The following CSMD1 variants were observed in gnomAD, a reference collection of about 807,000 sequenced individuals.
The protein encoded by CSMD1 is CUB and Sushi multiple domains 1.
Under a neutral mutation model 417.5 loss-of-function variants are expected in CSMD1, and 213 were observed. That is an observed-to-expected ratio of 0.51 (90% CI 0.46 to 0.57). The LOEUF is 0.57. Among genes scored for constraint, CSMD1 ranks in the 20% least tolerant of loss-of-function variants. The pLI, the probability that CSMD1 is intolerant of heterozygous loss-of-function variation, is 0.00. For missense variants in CSMD1, 6,923 were observed against 4,529.7 expected (o/e 1.53, Z -15.17); for synonymous variants, 2,862 against 1,736.8 (o/e 1.65, Z -16.11).
chr8:3,417,786 C>T (rs1353763728), intron 12 of CSMD1, among the ~76,000 whole-genome samples: 13 of 152,258 alleles, frequency 8.5e-5, no homozygotes, highest in East Asian at 1.9e-4. Flanking sequence ...TCATCACCTT[C>T]GGAAAACAAG....
intron 1 of CSMD1, among the ~76,000 whole-genome samples, chr8:4,845,770 C>G (rs773144283): frequency 1.3e-5 from 2 of 152,164 alleles, no homozygotes; most frequent in Non-Finnish European, 2.9e-5. Flanking sequence ...TCAAGAATCA[C>G]GTGAGTAGTA....
intron 1 of CSMD1, chr8:4,788,514 T>G: frequency 1.4e-6 from 2 of 1,412,672 alleles, no homozygotes; most frequent in African/African-American, 2.9e-5. Context: ...TGGAGCAAAC[T>G]GTGAGCAAGC....
At chr8:3,615,219 G>T (rs1194088275) in intron 8 of CSMD1, among the ~76,000 whole-genome samples, 2 of 152,092 alleles carry the variant, frequency 1.3e-5, no homozygotes, top group Non-Finnish European at 2.9e-5. Context: ...CCAAAGGAAG[G>T]AAGCCATTTA....
chr8:3,847,429 G>T (rs924416118), intron 5 of CSMD1, among the ~76,000 whole-genome samples: 1 of 152,118 alleles, frequency 6.6e-6, no homozygotes, highest in Non-Finnish European at 1.5e-5. Context: ...TTGGCTGCGA[G>T]CAGTGGGCAG....
intron 7 of CSMD1, among the ~76,000 whole-genome samples, chr8:3,640,791 C>G (rs781375984): frequency 2.6e-5 from 4 of 151,986 alleles, no homozygotes; most frequent in Admixed American, 6.6e-5. Context: ...GGGGAAGAGA[C>G]GGCCTCACAG....
intron 6 of CSMD1, among the ~76,000 whole-genome samples, chr8:3,721,529 G>A (rs1052161034): frequency 2.0e-5 from 3 of 152,144 alleles, no homozygotes; most frequent in Admixed American, 2.0e-4. Flanking sequence ...ATGGCACAAA[G>A]AGAAACATAT....
At chr8:3,424,762 G>A (rs1308615999) in intron 12 of CSMD1, among the ~76,000 whole-genome samples, 1 of 152,208 alleles carries the variant, frequency 6.6e-6, no homozygotes, top group Non-Finnish European at 1.5e-5. Context: ...CAGTGTTTGT[G>A]TTCAAGGAAC....
chr8:4,379,705 G>A (rs201360041), intron 3 of CSMD1, among the ~76,000 whole-genome samples: 18 of 57,778 alleles, frequency 3.1e-4, no homozygotes, highest in South Asian at 1.9e-3. Flanking sequence ...CAACAATGGC[G>A]GGAAGAGGGC....
chr8:4,029,886 G>C (rs1030810279), intron 4 of CSMD1, among the ~76,000 whole-genome samples: 1 of 146,912 alleles, frequency 6.8e-6, no homozygotes, highest in African/African-American at 2.6e-5. Context: ...TTCAAAAATG[G>C]GAGAAATTGG....
At chr8:3,691,369 A>G (rs139326933) in intron 7 of CSMD1, among the ~76,000 whole-genome samples, 2,334 of 152,090 alleles carry the variant, frequency 0.015, 50 homozygotes, top group African/African-American at 0.049. Context: ...TCTGTCTCAA[A>G]AAAAAAAACA....
Position 3,407,993 on chromosome 8 carries a change from C to A in CSMD1, c.1977G>T (p.Val659=), listed in dbSNP as rs1286587996. Residue 659 remains valine, a synonymous_variant, in exon 14 of 70, where the codon GTG becomes GTT. Transcript: ENST00000635120. ...GCCCACTGCTGGCCAGCTGGGAAGGCACTTCATTGCCAGAAAAAGTACCCA... is the reference window on the plus strand; with the variant it reads ...GCCCACTGCTGGCCAGCTGGGAAGGAACTTCATTGCCAGAAAAAGTACCCA... ...TVLGTFSGNE[V]PSQLASSGHI... is the part of the protein sequence containing the mutation. The A allele has an allele frequency of 5.0e-6, 8 of 1,613,736 alleles. No homozygotes were observed. The highest frequency in any genetic ancestry group is 1.7e-5 in the Admixed American group (1 of 59,990).
intron 9 of CSMD1, among the ~76,000 whole-genome samples, chr8:3,576,360 A>G (rs1262909857): frequency 8.1e-6 from 1 of 122,798 alleles, no homozygotes; most frequent in Non-Finnish European, 1.9e-5. Context: ...GTGACTGTTC[A>G]TCTGAGATCT....
intron 40 of CSMD1, among the ~76,000 whole-genome samples, chr8:3,149,503 G>C (rs150979780): frequency 6.6e-6 from 1 of 152,096 alleles, no homozygotes; most frequent in African/African-American, 2.4e-5. Flanking sequence ...TATTGAGACA[G>C]AGTCTCGCTC....
At chr8:3,585,682 A>G (rs1338495507) in intron 9 of CSMD1, among the ~76,000 whole-genome samples, 1 of 152,208 alleles carries the variant, frequency 6.6e-6, no homozygotes, top group African/African-American at 2.4e-5. Context: ...TCATTTATTA[A>G]TAAAATGATG....
At chr8:4,114,683 T>A (rs12547734) in intron 3 of CSMD1, among the ~76,000 whole-genome samples, 59,024 of 152,074 alleles carry the variant, frequency 0.39, 11,490 homozygotes, top group South Asian at 0.4. Context: ...TTGTGCTTCA[T>A]GGGAGGAGGT....
chr8:3,122,719 C>G (rs984380608), intron 41 of CSMD1, among the ~76,000 whole-genome samples: 1 of 151,982 alleles, frequency 6.6e-6, no homozygotes, highest in Admixed American at 6.6e-5. Context: ...GTAAGAAGTG[C>G]CTTTCACCTC....
At chr8:3,987,852 G>C (rs957417949) in intron 5 of CSMD1, among the ~76,000 whole-genome samples, 3 of 152,192 alleles carry the variant, frequency 2.0e-5, no homozygotes, top group African/African-American at 7.2e-5. Flanking sequence ...CTGCCAAAAA[G>C]AAATGGTTCA....
At chr8:4,201,404 G>A (rs909768714) in intron 3 of CSMD1, among the ~76,000 whole-genome samples, 10 of 151,838 alleles carry the variant, frequency 6.6e-5, no homozygotes, top group Admixed American at 2.6e-4. Context: ...CGGGGGTGGC[G>A]CTGGGCGCCT....
rs1798469659 is a variant in CSMD1 at position 3,542,215 on chromosome 8, T to C, written c.1344+32730A>G. Among the ~76,000 whole-genome samples the C allele has an allele frequency of 1.3e-5, 2 of 152,202 alleles. 1 individual carries two copies. The highest frequency in any genetic ancestry group is 4.1e-4 in the South Asian group (2 of 4,826). The stretch of plus-strand genomic sequence containing the variant: ...GACCTTAATATTGATACTTACCTCT[T>C]ATTAATCAATGACTATTTGTGACAT... On this transcript the variant is annotated intron_variant, in intron 10 of 69. Coordinates refer to ENST00000635120, the MANE Select transcript of CSMD1 (RefSeq NM_033225.6).
Sources: gnomAD v4.1 joint callset for allele counts (sites outside exome capture counted in the v4.1 genomes callset) on GRCh38, gnomAD v4.1.1 for gene constraint, MANE v1.5 for transcripts, NCBI Gene and HGNC (gene_info 2026-07-23, HGNC 2026-07-21) for gene names.